Variants in TLN2 observed in about 807,000 individuals in gnomAD.
TLN2 encodes the protein talin-2.
TLN2 carries 118 observed loss-of-function variants against 294.7 expected under a neutral mutation model. The ratio of observed to expected loss-of-function variants is 0.40; its 90% confidence interval spans 0.34 to 0.47. The LOEUF is 0.47. Ranked by LOEUF, TLN2 falls within the 20% of genes least tolerant of loss-of-function variation. The pLI is 0.84. For synonymous variants in TLN2, 1,431 were observed against 1,304.5 expected (o/e 1.10, Z -2.09); for missense variants, 3,083 against 3,282.2 (o/e 0.94, Z 1.48).
At chr15:62,418,950 T>C (rs1266098778) in intron 1 of TLN2, among the ~76,000 whole-genome samples, 1 of 152,232 alleles carries the variant, frequency 6.6e-6, no homozygotes, top group Non-Finnish European at 1.5e-5. Flanking sequence ...GGGGATATGA[T>C]GGCTTAGCTT....
chr15:62,668,378 ATAG>A (rs2054982748), intron 9 of TLN2, among the ~76,000 whole-genome samples: 1 of 152,202 alleles, frequency 6.6e-6, no homozygotes, highest in South Asian at 2.1e-4. Context: ...CATCCTTCAA[ATAG>A]TAGAAAATGA....
At chr15:62,738,514 G>T (rs1013928626) in intron 30 of TLN2, among the ~76,000 whole-genome samples, 181 bp downstream of exon 30, 1 of 152,214 alleles carries the variant, frequency 6.6e-6, no homozygotes, top group Non-Finnish European at 1.5e-5. Flanking sequence ...CCCAGGTGGA[G>T]CTTTTAAAGT....
At chr15:62,689,451 CCCTT>C (rs1349848975) in intron 12 of TLN2, among the ~76,000 whole-genome samples, 7 of 152,146 alleles carry the variant, frequency 4.6e-5, no homozygotes, top group Non-Finnish European at 1.0e-4. Flanking sequence ...TATTACACTT[CCCTT>C]TATTTTTATC....
At chr15:62,585,023 TCAGGGCAAAGC>T (rs2045473587) in intron 1 of TLN2, among the ~76,000 whole-genome samples, 1 of 152,226 alleles carries the variant, frequency 6.6e-6, no homozygotes, top group Admixed American at 6.5e-5. Context: ...GCAGTTGATG[TCAGGGCAAAGC>T]CTGAGTGTGG....
At chr15:62,517,534 T>C (rs2140464489) in intron 1 of TLN2, among the ~76,000 whole-genome samples, 1 of 152,328 alleles carries the variant, frequency 6.6e-6, no homozygotes, top group Non-Finnish European at 1.5e-5. Context: ...GATTGCTGTT[T>C]TGCAATGAAC....
At chr15:62,606,400 A>AT (rs1007119865) in intron 2 of TLN2, among the ~76,000 whole-genome samples, 4 of 151,770 alleles carry the variant, frequency 2.6e-5, no homozygotes, top group Non-Finnish European at 2.9e-5. Flanking sequence ...CCCAAAAGAT[A>AT]TTTTTTTTAG....
At chr15:62,555,156 T>G (rs1382918660) in intron 1 of TLN2, among the ~76,000 whole-genome samples, 1 of 152,210 alleles carries the variant, frequency 6.6e-6, no homozygotes, top group Non-Finnish European at 1.5e-5. Flanking sequence ...AAGCTTTTCC[T>G]GCAGAACATC....
intron 1 of TLN2, among the ~76,000 whole-genome samples, chr15:62,493,566 C>T (rs1431845646): frequency 3.3e-5 from 5 of 151,956 alleles, no homozygotes; most frequent in East Asian, 1.9e-4. Context: ...TCAGCTTTCA[C>T]GCTCTCCCAC....
chr15:62,800,556 G>C (rs1294387918), intron 49 of TLN2, 63 bp downstream of exon 49: 34 of 1,610,430 alleles, frequency 2.1e-5, no homozygotes, highest in Non-Finnish European at 2.7e-5. Context: ...AGGAAGGAGA[G>C]GCGTCCTTGC....
chr15:62,796,219 C>A lies in TLN2; in HGVS notation c.5976C>A (p.Asp1992Glu), dbSNP rs867903711. The change falls in exon 47 of 59, where the codon GAC becomes GAA. Residue 1992 changes from aspartate to glutamate, a missense_variant. Coordinates refer to ENST00000636159, the MANE Select transcript of TLN2 (RefSeq NM_015059.3). Reference sequence around the variant, plus strand: ...CCGCTGTGTCTGGGATCATTGCCGACCTGGACACCACCATTATGTTTGCAA... The same window carrying A: ...CCGCTGTGTCTGGGATCATTGCCGAACTGGACACCACCATTATGTTTGCAA... ...AATAVSGIIADLDTTIMFATA... is the reference protein window; with the variant it reads ...AATAVSGIIAELDTTIMFATA... 6.2e-7 allele frequency: 1 copy of A among 1,614,226 alleles called. No homozygotes were observed. The highest frequency in any genetic ancestry group is 1.3e-5 in the African/African-American group (1 of 75,062).
chr15:62,433,402 G>T (rs1328132042), intron 1 of TLN2, among the ~76,000 whole-genome samples: 1 of 152,090 alleles, frequency 6.6e-6, no homozygotes, highest in African/African-American at 2.4e-5. Context: ...CATAGGGCCT[G>T]CTGAGAACCA....
Position 62,518,797 on chromosome 15 carries a change from C to T in TLN2, c.-237-70890C>T, listed in dbSNP as rs368543092. Among the ~76,000 whole-genome samples, 29 of 152,092 alleles carry T rather than the reference C, an allele frequency of 1.9e-4. No individual in the cohort carries two copies. The East Asian group carries it at 4.9e-3, about 25-fold the overall frequency. Reference sequence around the variant, plus strand: ...ATTTTTAGTAAAGACAGAGTTTCACCGTGTTGGCCTGGCTGGTCTCGAACT... The same window carrying T: ...ATTTTTAGTAAAGACAGAGTTTCACTGTGTTGGCCTGGCTGGTCTCGAACT... On this transcript the variant is annotated intron_variant, in intron 1 of 58. Transcript: ENST00000636159.
At chr15:62,560,582 T>G (rs2042875443) in intron 1 of TLN2, among the ~76,000 whole-genome samples, 1 of 152,202 alleles carries the variant, frequency 6.6e-6, no homozygotes, top group African/African-American at 2.4e-5. Flanking sequence ...GCGCCTGGCC[T>G]CCCAAAGTGC....
chr15:62,814,873 G>A (rs1023525570), intron 52 of TLN2, among the ~76,000 whole-genome samples: 2 of 152,168 alleles, frequency 1.3e-5, no homozygotes, highest in Admixed American at 1.3e-4. Flanking sequence ...ATAAGAAAGA[G>A]GAGTATTGTT....
At chr15:62,778,561 C>CA (rs1276589128) in intron 43 of TLN2, among the ~76,000 whole-genome samples, 1 of 152,208 alleles carries the variant, frequency 6.6e-6, no homozygotes, top group Non-Finnish European at 1.5e-5. Flanking sequence ...ACGTCAGATC[C>CA]AAAGTCTTTC....
intron 32 of TLN2, among the ~76,000 whole-genome samples, chr15:62,742,021 T>TGG (rs202225338): frequency 1.3e-4 from 5 of 37,712 alleles, no homozygotes; most frequent in African/African-American, 4.3e-4. Context: ...TGGCTTGTAG[T>TGG]GGGGTGTGTG....
In TLN2 at chr15:62,674,577, T is replaced by G. The variant is rs1031803037; in HGVS notation, c.853-640T>G. Among the ~76,000 whole-genome samples, 10 of 149,068 alleles carry G rather than the reference T, an allele frequency of 6.7e-5. No homozygotes were observed. The Admixed American group carries it at 6.8e-4, about 10-fold the overall frequency. On this transcript the variant is annotated intron_variant, in intron 10 of 58. Transcript: ENST00000636159. Reference sequence around the variant, plus strand: ...GGGGCGATCTCAGCTCACTGCAACCTCCGTACCTCCCCCCGCCCTGTTCAA... The same window carrying G: ...GGGGCGATCTCAGCTCACTGCAACCGCCGTACCTCCCCCCGCCCTGTTCAA...
chr15:62,699,136 C>G (rs1567389687), intron 16 of TLN2, among the ~76,000 whole-genome samples: 1 of 152,192 alleles, frequency 6.6e-6, no homozygotes, highest in Non-Finnish European at 1.5e-5. Flanking sequence ...AGCTCCAGTA[C>G]TGGCTGTGTG....
intron 52 of TLN2, among the ~76,000 whole-genome samples, chr15:62,814,010 C>T (rs894656182): frequency 6.6e-6 from 1 of 152,080 alleles, no homozygotes; most frequent in African/African-American, 2.4e-5. Flanking sequence ...GATGGGGTTT[C>T]ACCATGTTGG....
Sources: gnomAD v4.1 joint callset for allele counts (sites outside exome capture counted in the v4.1 genomes callset) on GRCh38, gnomAD v4.1.1 for gene constraint, MANE v1.5 for transcripts, NCBI Gene and HGNC (gene_info 2026-07-23, HGNC 2026-07-21) for gene names.